The following POMT2 variants were observed in gnomAD, a reference collection of about 807,000 sequenced individuals.
POMT2 encodes protein O-mannosyltransferase 2.
In POMT2, 75 loss-of-function variants were observed where a neutral mutation model predicts 100.0. The observed-to-expected ratio is 0.75, with a 90% CI of 0.62 to 0.91. POMT2 has a LOEUF of 0.91. Among genes scored for constraint, POMT2 ranks in the 40% least tolerant of loss-of-function variants. POMT2 has a pLI of 0.00. For synonymous variants in POMT2, 378 were observed against 374.1 expected (o/e 1.01, Z -0.12); for missense variants, 940 against 955.1 (o/e 0.98, Z 0.21).
Position 77,280,458 on chromosome 14 carries a change from GT to G in POMT2, c.1658del (p.Asn553ThrfsTer48). On this transcript the variant is annotated frameshift_variant, in exon 16 of 21. Transcript: ENST00000261534. LOFTEE classifies it high-confidence loss of function. Reference sequence around the variant, plus strand: ...CATTGTCCTTGGGTTTGAGGCCACTGTTCCCCTGCATGAAGGTAGCAAAGAA... The same window carrying G: ...CATTGTCCTTGGGTTTGAGGCCACTGTCCCCTGCATGAAGGTAGCAAAGAA... ...LESHMVMIRG[N>X]SGLKPKDNEF... 1.2e-6 allele frequency: 2 copies of G among 1,614,234 alleles called. No individual in the cohort carries two copies. Among genetic ancestry groups the G allele is most frequent in the Non-Finnish European group, 1.7e-6 (2 of 1,180,044 alleles).
intron 8 of POMT2, among the ~76,000 whole-genome samples, chr14:77,298,451 C>T (rs533076182): frequency 7.9e-5 from 12 of 152,330 alleles, no homozygotes; most frequent in African/African-American, 2.4e-5. Context: ...ACAGAGCTGG[C>T]TTGGAGAGCC....
At position 77,279,876 on chromosome 14, in the gene POMT2, C is replaced by T; in HGVS notation, c.1838G>A (p.Ser613Asn). Reference protein sequence around the residue: ...LSIALYLLSGSIIAVAMQRGA... With the variant: ...LSIALYLLSGNIIAVAMQRGA... ...TCTCTGCATGGCTACAGCAATGATG[C>T]TCCCTGAGAGGAGGTAGAGGGCGAT... is the stretch of plus-strand genomic sequence containing the variant. The change falls in exon 18 of 21, where the codon AGC (serine) becomes AAC (asparagine). Residue 613 changes from serine to asparagine, a missense_variant. By Grantham distance (46) the Ser-to-Asn change is conservative. Transcript: ENST00000261534. 1 of 1,614,054 alleles carries T rather than the reference C, an allele frequency of 6.2e-7. No homozygotes were observed. The highest frequency in any genetic ancestry group is 8.5e-7 in the Non-Finnish European group (1 of 1,180,012).
chr14:77,306,508 TTCCC>T (rs1891234865), intron 2 of POMT2, 67 bp from the exon 3 acceptor site: 1 of 1,566,378 alleles, frequency 6.4e-7, no homozygotes, highest in South Asian at 1.1e-5. Context: ...TCCTCTGAAC[TTCCC>T]TCCAGCTGCA....
At position 77,277,252 on chromosome 14, in the gene POMT2, T is replaced by C; in HGVS notation, c.*124A>G. On this transcript the variant is annotated 3_prime_UTR_variant, in exon 21 of 21. Transcript: ENST00000261534. ...CAGCTGCACTCCCAGAGCTGGGTCC[T>C]GGTGAGCAGCAGAATTCTTCGGGCT... 1.2e-6 allele frequency: 1 copy of C among 821,314 alleles called. No individual in the cohort carries two copies. The highest frequency in any genetic ancestry group is 2.0e-6 in the Non-Finnish European group (1 of 494,976). 50.9% of individuals were successfully genotyped at this position (821,314 alleles called of 1,614,324 possible). A position where few individuals can be genotyped will look rare whatever the true frequency, so the allele number is the denominator to read the frequency against.
At chr14:77,299,608 T>A (rs774289183) in intron 6 of POMT2, 47 bp from the exon 7 acceptor site, 6 of 1,382,818 alleles carry the variant, frequency 4.3e-6, no homozygotes, top group Non-Finnish European at 6.2e-6. Flanking sequence ...GAGACCTCAT[T>A]ATTCCTTAGG....
chr14:77,284,239 G>T (rs371085771), intron 14 of POMT2: 2 of 339,910 alleles, frequency 5.9e-6, no homozygotes, highest in Non-Finnish European at 1.1e-5. Context: ...TGGGAATGAG[G>T]AATAAATCAT....
chr14:77,306,454 GAACA>G lies in POMT2; in HGVS notation c.334-17_334-14del, dbSNP rs1566658869. The G allele has an allele frequency of 6.2e-7, 1 of 1,611,244 alleles. No individual in the cohort carries two copies. Among genetic ancestry groups the G allele is most frequent in the Non-Finnish European group, 8.5e-7 (1 of 1,177,734 alleles). ...GACCTATCAGCATCTGAGGAGAGAA[GAACA>G]AACAAAAAGATGAGAAGCCTTTGGG... On this transcript the variant is annotated splice_polypyrimidine_tract_variant and intron_variant, in intron 2 of 20. Transcript: ENST00000261534.
At chr14:77,282,321 G>A (rs1297796103) in intron 15 of POMT2, among the ~76,000 whole-genome samples, 1 of 152,146 alleles carries the variant, frequency 6.6e-6, no homozygotes, top group Non-Finnish European at 1.5e-5. Flanking sequence ...CTGAAATCTG[G>A]ATGGGCTCAT....
intron 1 of POMT2, chr14:77,319,451 C>T (rs1891758013): frequency 6.6e-6 from 1 of 152,218 alleles, no homozygotes; most frequent in African/African-American, 2.4e-5. Context: ...CGTGCCTCTA[C>T]ACATCATTCT....
intron 14 of POMT2, 187 bp from the exon 15 acceptor site, chr14:77,284,060 C>A: frequency 1.5e-6 from 1 of 649,122 alleles, no homozygotes; most frequent in Non-Finnish European, 2.8e-6. Context: ...ACTCATCAGG[C>A]ATTCTAAGAA....
chr14:77,283,703 G>C lies in POMT2; in HGVS notation c.1653+94C>G, dbSNP rs547345383. 7.4e-6 allele frequency: 8 copies of C among 1,079,206 alleles called. No homozygotes were observed. The South Asian group carries it at 7.5e-5, about 10-fold the overall frequency. The allele number at this position is 1,079,206 out of a possible 1,614,324, so 66.9% of individuals were successfully genotyped here. A position where few individuals can be genotyped will look rare whatever the true frequency, so the allele number is the denominator to read the frequency against. On this transcript the variant is annotated intron_variant, in intron 15 of 20. Transcript: ENST00000261534. ...TGCTTTCAAATTCCTCCACAAGGGG[G>C]AATGGATCTGTAGCATGGCATTGAC...
At position 77,278,466 on chromosome 14, in the gene POMT2, A is replaced by G. The variant is rs1361876642; in HGVS notation, c.2075T>C (p.Leu692Ser). The change falls in exon 20 of 21, where the codon TTG (leucine) becomes TCG (serine). Residue 692 changes from leucine to serine, a missense_variant. Physicochemically the swap from Leu to Ser is moderately radical, Grantham distance 145. Transcript: ENST00000261534. The part of the protein sequence containing the change: ...DTLLRLCAWG[L>S]ASWPLARGIH... ...GCCCCTCGCCAGGGGCCATGAGGCC[A>G]AGCCCCAGGCACAGAGCCGCAGGAG... 6.6e-6 allele frequency: 10 copies of G among 1,506,384 alleles called. No homozygotes were observed. Among genetic ancestry groups the G allele is most frequent in the Non-Finnish European group, 8.1e-6 (9 of 1,106,036 alleles). 93.3% of individuals were successfully genotyped at this position (1,506,384 alleles called of 1,614,324 possible).
At chr14:77,297,755 T>C (rs1890881846) in intron 8 of POMT2, among the ~76,000 whole-genome samples, 1 of 152,172 alleles carries the variant, frequency 6.6e-6, no homozygotes, top group Admixed American at 6.5e-5. Context: ...ATATGCCCAT[T>C]TGCCTTACCC....
rs1406966407 is a variant in POMT2 at position 77,276,370 on chromosome 14, G to C, written c.*1006C>G. On this transcript the variant is annotated 3_prime_UTR_variant, in exon 21 of 21. Coordinates refer to ENST00000261534, the MANE Select transcript of POMT2 (RefSeq NM_013382.7). The stretch of plus-strand genomic sequence containing the variant: ...GGACTGCAGAAGTGACACTGGGAAA[G>C]CTCAGCAGGTGACAGGAACATTAGT... The C allele has an allele frequency of 1.3e-5, 2 of 152,766 alleles. No homozygotes were observed. The highest frequency in any genetic ancestry group is 2.4e-5 in the African/African-American group (1 of 41,448). 9.5% of individuals were successfully genotyped at this position (152,766 alleles called of 1,614,324 possible).
intron 12 of POMT2, 45 bp downstream of exon 12, chr14:77,286,699 G>T: frequency 2.5e-6 from 4 of 1,612,372 alleles, no homozygotes; most frequent in Non-Finnish European, 3.4e-6. Flanking sequence ...CTGAGCCAAG[G>T]CCCATAACTT....
At chr14:77,312,145 A>G (rs1218599313) in intron 1 of POMT2, 112 bp from the exon 2 acceptor site, 2 of 1,480,684 alleles carry the variant, frequency 1.4e-6, no homozygotes, top group East Asian at 2.5e-5. Flanking sequence ...CAATTAATGC[A>G]AAAGTCTGGA....
At chr14:77,316,891 A>C (rs1891650799) in intron 1 of POMT2, among the ~76,000 whole-genome samples, 1 of 152,184 alleles carries the variant, frequency 6.6e-6, no homozygotes, top group African/African-American at 2.4e-5. Context: ...ATACTGAGAG[A>C]TGAAAGCTGA....
At chr14:77,307,569 G>A (rs984136090) in intron 2 of POMT2, among the ~76,000 whole-genome samples, 5 of 152,198 alleles carry the variant, frequency 3.3e-5, no homozygotes, top group African/African-American at 1.2e-4. Context: ...GATCTCGCAG[G>A]ACAAGCTCGC....
rs772891000 is a variant in POMT2, at chr14:77,285,468, C to T, written c.1484+13G>A. 2.5e-6 allele frequency: 4 copies of T among 1,614,056 alleles called. No individual in the cohort carries two copies. The highest frequency in any genetic ancestry group is 2.7e-5 in the African/African-American group (2 of 74,988). ...GGACCCTCGATTGGGACAGCAAAAC[C>T]CTAGAGACTTACCACTTGGGCAGAA... On this transcript the variant is annotated intron_variant, in intron 13 of 20. Transcript: ENST00000261534.
Sources: allele counts gnomAD v4.1 joint callset (sites outside exome capture counted in the v4.1 genomes callset), GRCh38; gene constraint gnomAD v4.1.1; transcripts MANE v1.5; gene names NCBI Gene and HGNC (gene_info 2026-07-23, HGNC 2026-07-21).